The following ARMH3 variants were observed in gnomAD, a reference collection of about 807,000 sequenced individuals.
ARMH3 encodes armadillo like helical domain containing 3.
ARMH3 carries 60 observed loss-of-function variants against 99.1 expected under a neutral mutation model. That is an observed-to-expected ratio of 0.61 (90% confidence interval 0.49 to 0.75). The LOEUF is 0.75. Ranked by LOEUF, ARMH3 falls within the 30% of genes least tolerant of loss-of-function variation. The probability of loss-of-function intolerance (pLI) is 0.00; values close to 1 mark genes in which losing one functional copy is unlikely to be tolerated. For synonymous variants in ARMH3, 285 were observed against 292.8 expected (o/e 0.97, Z 0.27); for missense variants, 679 against 843.1 (o/e 0.81, Z 2.41).
intron 22 of ARMH3, among the ~76,000 whole-genome samples, chr10:101,955,981 T>A (rs1663872133): frequency 6.6e-6 from 1 of 152,240 alleles, no homozygotes; most frequent in Non-Finnish European, 1.5e-5. Context: ...TGGCTGTTTC[T>A]GTGCAATCTA....
chr10:101,986,575 T>C (rs1370856314), intron 19 of ARMH3, among the ~76,000 whole-genome samples: 1 of 152,158 alleles, frequency 6.6e-6, no homozygotes, highest in Non-Finnish European at 1.5e-5. Flanking sequence ...CCAAACTCCA[T>C]ATTTCTTCAT....
chr10:101,958,221 T>C (rs1845128407), intron 20 of ARMH3, among the ~76,000 whole-genome samples: 2 of 152,326 alleles, frequency 1.3e-5, no homozygotes, highest in South Asian at 2.1e-4. Context: ...CTATACTGTA[T>C]GTACTCCTCT....
rs1321849619 is a variant in ARMH3 at position 101,993,483 on chromosome 10, C to T, written c.1275+55G>A. 1.0e-5 allele frequency: 14 copies of T among 1,358,966 alleles called. No individual in the cohort carries two copies. In the South Asian group the frequency reaches 1.3e-4, roughly 12 times the overall value. The allele number at this position is 1,358,966 out of a possible 1,614,324, so 84.2% of individuals were successfully genotyped here. ...TAAGATCAATTTCATCCCAACCCTG[C>T]CGACATACAAAAAATTTCCTCTAAG... On this transcript the variant is annotated intron_variant, in intron 17 of 25. Coordinates refer to ENST00000370033, the MANE Select transcript of ARMH3 (RefSeq NM_024541.3).
chr10:102,033,419 G>GT, intron 2 of ARMH3, 80 bp from the exon 3 acceptor site: 3 of 1,360,054 alleles, frequency 2.2e-6, no homozygotes, highest in Non-Finnish European at 1.0e-6. Flanking sequence ...GTCAACCTTA[G>GT]TTTTCTTTTT....
chr10:102,018,721 T>C (rs1276684881), intron 8 of ARMH3, among the ~76,000 whole-genome samples: 1 of 152,162 alleles, frequency 6.6e-6, no homozygotes, highest in Admixed American at 6.5e-5. Flanking sequence ...TTTGGGAGGC[T>C]GAAGTGGGCA....
intron 22 of ARMH3, among the ~76,000 whole-genome samples, chr10:101,942,862 T>C (rs1392236622): frequency 2.9e-5 from 4 of 138,072 alleles, no homozygotes; most frequent in African/African-American, 7.9e-5. Flanking sequence ...CAAGACTCCA[T>C]CTCAAAAAAA....
chr10:101,900,761 T>G (rs954742998), intron 23 of ARMH3, among the ~76,000 whole-genome samples: 1 of 152,196 alleles, frequency 6.6e-6, no homozygotes, highest in Non-Finnish European at 1.5e-5. Flanking sequence ...GTGGGAGAAC[T>G]GCTTGAGGCC....
rs769944100 is a variant in ARMH3, at chr10:102,012,884, G to A, written c.727-8C>T. 1.2e-5 allele frequency: 20 copies of A among 1,604,028 alleles called. No individual in the cohort carries two copies. Among genetic ancestry groups the A allele is most frequent in the Admixed American group, 6.8e-5 (4 of 59,126 alleles). ...AATTACAAGTCCCATTCCCTAGAAG[G>A]GAAAAGATAGCACAGGTGAAATAAG... On this transcript the variant is annotated splice_region_variant and splice_polypyrimidine_tract_variant and intron_variant, in intron 9 of 25. Coordinates refer to ENST00000370033, the MANE Select transcript of ARMH3 (RefSeq NM_024541.3).
At chr10:101,920,275 G>A (rs1358162149) in intron 23 of ARMH3, among the ~76,000 whole-genome samples, 1 of 152,138 alleles carries the variant, frequency 6.6e-6, no homozygotes, top group Non-Finnish European at 1.5e-5. Context: ...TGACAAGTTG[G>A]GAAAGGACAT....
chr10:101,855,420 T>C lies in ARMH3; in HGVS notation c.1861-5528A>G, dbSNP rs116588280. Among the ~76,000 whole-genome samples the C allele has an allele frequency of 1.6e-3, 238 of 149,538 alleles. 1 individual carries two copies. The highest frequency in any genetic ancestry group is 5.4e-3 in the African/African-American group (221 of 40,740). ...TACATGGACAAAACCACAGAAATAATAGTTCTGGACCAGGTACAGTGGCTC... is the reference window on the plus strand; with the variant it reads ...TACATGGACAAAACCACAGAAATAACAGTTCTGGACCAGGTACAGTGGCTC... On this transcript the variant is annotated intron_variant, in intron 24 of 25. Transcript: ENST00000370033.
At chr10:101,981,602 T>C (rs913474828) in intron 19 of ARMH3, among the ~76,000 whole-genome samples, 1 of 152,260 alleles carries the variant, frequency 6.6e-6, no homozygotes, top group African/African-American at 2.4e-5. Context: ...TGCTACCTTA[T>C]TAGCTTATTC....
At chr10:101,957,563 C>T in intron 21 of ARMH3, 87 bp downstream of exon 21, 2 of 1,435,330 alleles carry the variant, frequency 1.4e-6, no homozygotes, top group South Asian at 2.7e-5. Flanking sequence ...TGGCTTAGTC[C>T]CCAGACCACC....
intron 20 of ARMH3, among the ~76,000 whole-genome samples, chr10:101,971,232 G>A (rs1296508009): frequency 1.3e-5 from 2 of 151,948 alleles, no homozygotes; most frequent in Admixed American, 6.6e-5. Context: ...GAAGTGCAAA[G>A]GAGATTGCTA....
At chr10:101,877,590 A>G (rs986247101) in intron 24 of ARMH3, among the ~76,000 whole-genome samples, 1 of 151,972 alleles carries the variant, frequency 6.6e-6, no homozygotes, top group African/African-American at 2.4e-5. Context: ...CGGGAGGTGG[A>G]GGTTGCAGTG....
At chr10:101,889,565 G>T (rs2067637553) in intron 23 of ARMH3, 75 bp from the exon 24 acceptor site, 1 of 1,346,962 alleles carries the variant, frequency 7.4e-7, no homozygotes, top group Non-Finnish European at 1.1e-6. Flanking sequence ...TAAGGATCAA[G>T]TACCCTCTGG....
In ARMH3 at chr10:102,034,492, C is replaced by T. The variant is rs547946586; in HGVS notation, c.103-1153G>A. Among the ~76,000 whole-genome samples, 377 of 151,756 alleles carry T rather than the reference C, an allele frequency of 2.5e-3. 3 individuals carry two copies. Among genetic ancestry groups the T allele is most frequent in the Middle Eastern group, 0.01 (3 of 294 alleles). On this transcript the variant is annotated intron_variant, in intron 2 of 25. Coordinates refer to ENST00000370033, the MANE Select transcript of ARMH3 (RefSeq NM_024541.3). ...TCTACTAAAAATACAAAAAATTAGC[C>T]GGGCGTGGTGGTGGGCACCTGTAGT...
intron 1 of ARMH3, among the ~76,000 whole-genome samples, chr10:102,047,649 G>C (rs1288177595): frequency 2.6e-5 from 4 of 151,920 alleles, no homozygotes; most frequent in Non-Finnish European, 5.9e-5. Context: ...ACCACACCTG[G>C]CTAATTTTTG....
At position 101,847,374 on chromosome 10, in the gene ARMH3, G is replaced by A; in HGVS notation, c.*154C>T. On this transcript the variant is annotated 3_prime_UTR_variant, in exon 26 of 26. Coordinates refer to ENST00000370033, the MANE Select transcript of ARMH3 (RefSeq NM_024541.3). ...CTGGCTTGACCCTCCTGCCCCTGCT[G>A]CCCAAGCTCCATTGAAGTGCGGTCT... 1.4e-6 allele frequency: 1 copy of A among 717,392 alleles called. No homozygotes were observed. Among genetic ancestry groups the A allele is most frequent in the Admixed American group, 2.5e-5 (1 of 40,640 alleles). The allele number at this position is 717,392 out of a possible 1,614,324, so 44.4% of individuals were successfully genotyped here.
At chr10:102,036,707 AT>A (rs2067285495) in intron 2 of ARMH3, among the ~76,000 whole-genome samples, 1 of 152,038 alleles carries the variant, frequency 6.6e-6, no homozygotes, top group African/African-American at 2.4e-5. Flanking sequence ...CCACTCCCTA[AT>A]CTCAAGTACC....
Sources: gnomAD v4.1 joint callset for allele counts (sites outside exome capture counted in the v4.1 genomes callset) on GRCh38, gnomAD v4.1.1 for gene constraint, MANE v1.5 for transcripts, NCBI Gene and HGNC (gene_info 2026-07-23, HGNC 2026-07-21) for gene names.